Variants in WDR11 observed in about 807,000 individuals in gnomAD.
WDR11 encodes the protein WD repeat domain 11.
WDR11 carries 83 observed loss-of-function variants against 151.2 expected under a neutral mutation model. That is an observed-to-expected ratio of 0.55 (90% CI 0.46 to 0.66). The LOEUF (loss-of-function observed/expected upper bound fraction) is 0.66. WDR11 is among the 30% of genes least tolerant of loss of function. The pLI, the probability that WDR11 is intolerant of heterozygous loss-of-function variation, is 0.00. For synonymous variants in WDR11, 484 were observed against 533.1 expected (o/e 0.91, Z 1.27); for missense variants, 1,301 against 1,480.9 (o/e 0.88, Z 1.99).
At chr10:120,880,982 A>G in intron 13 of WDR11, 81 bp downstream of exon 13, 1 of 1,191,064 alleles carries the variant, frequency 8.4e-7, no homozygotes, top group Non-Finnish European at 1.2e-6. Flanking sequence ...AGAAAATGGG[A>G]ATGTGCTGGA....
intron 7 of WDR11, 21 bp from the exon 8 acceptor site, chr10:120,866,548 T>G: frequency 6.2e-7 from 1 of 1,614,094 alleles, no homozygotes. Context: ...TTTCTGATAT[T>G]TAAAACAATT....
chr10:120,870,539 A>G (rs879636979), intron 9 of WDR11, among the ~76,000 whole-genome samples: 3 of 152,208 alleles, frequency 2.0e-5, no homozygotes, highest in African/African-American at 7.2e-5. Flanking sequence ...GGTATATGTG[A>G]AAATAATGCC....
At position 120,858,652 on chromosome 10, in the gene WDR11, G is replaced by A; in HGVS notation, c.208G>A (p.Ala70Thr). The A allele has an allele frequency of 6.2e-7, 1 of 1,614,168 alleles. No homozygotes were observed. The highest frequency in any genetic ancestry group is 8.5e-7 in the Non-Finnish European group (1 of 1,180,042). The change falls in exon 3 of 29, where the codon GCC (alanine) becomes ACC (threonine). Residue 70 changes from alanine (A) to threonine (T), a missense_variant. This residue lies in a region of WDR11 where 692 missense variants were observed against 762.5 expected (regional missense o/e 0.91). Coordinates refer to ENST00000263461, the MANE Select transcript of WDR11 (RefSeq NM_018117.12). ...TTTCTTCTTGATACAGGTTAAATGG[G>A]CCAGGGAAAACTATCACCATAACAT... is the stretch of plus-strand genomic sequence containing the variant. ...HKADVVKVKW[A>T]RENYHHNIGS...
intron 17 of WDR11, chr10:120,889,573 G>A (rs1847348283): frequency 2.4e-6 from 1 of 425,464 alleles, no homozygotes. Flanking sequence ...TCCATTAGAG[G>A]CTTGTGACTT....
rs370585965 is a variant in WDR11 at position 120,876,757 on chromosome 10, T to G, written c.1557-1596T>G. Among the ~76,000 whole-genome samples the G allele has an allele frequency of 6.6e-5, 10 of 152,338 alleles. No homozygotes were observed. The East Asian group carries it at 1.7e-3, about 26-fold the overall frequency. On this transcript the variant is annotated intron_variant, in intron 11 of 28. Coordinates refer to ENST00000263461, the MANE Select transcript of WDR11 (RefSeq NM_018117.12). The stretch of plus-strand genomic sequence containing the variant: ...AGGGATTATGTTAACTATTAATACT[T>G]CACACGTATCATTTCATTGAATCCC...
chr10:120,877,192 A>G (rs1846824832), intron 11 of WDR11, among the ~76,000 whole-genome samples: 1 of 152,194 alleles, frequency 6.6e-6, no homozygotes, highest in African/African-American at 2.4e-5. Flanking sequence ...TGTTAAGATA[A>G]TATTTATGGT....
chr10:120,878,531 A>G, intron 12 of WDR11, 72 bp downstream of exon 12: 1 of 1,278,278 alleles, frequency 7.8e-7, no homozygotes, highest in Admixed American at 1.7e-5. Flanking sequence ...ACATGTTTGA[A>G]AGTACTTCTT....
In WDR11 at chr10:120,904,028, C is replaced by CT. The variant is rs749008728; in HGVS notation, c.2932-11dup. 53 of 1,540,052 alleles carry CT rather than the reference C, an allele frequency of 3.4e-5. No homozygotes were observed. Among genetic ancestry groups the CT allele is most frequent in the East Asian group, 6.8e-5 (3 of 44,444 alleles). On this transcript the variant is annotated intron_variant, in intron 23 of 28. Transcript: ENST00000263461. ...CTCTTATAATCCAGGCTTAATTTTT[C>CT]TTTTTTTTCCAATTCTAGAAATTTC... is the stretch of plus-strand genomic sequence containing the variant.
chr10:120,881,277 G>T (rs991869209), intron 13 of WDR11, among the ~76,000 whole-genome samples: 1 of 152,092 alleles, frequency 6.6e-6, no homozygotes, highest in African/African-American at 2.4e-5. Context: ...ATGTAAAGCA[G>T]TATTATTAAA....
chr10:120,906,702 T>C (rs1006055148), intron 27 of WDR11, 74 bp from the exon 28 acceptor site: 16 of 1,612,908 alleles, frequency 9.9e-6, no homozygotes, highest in Non-Finnish European at 1.3e-5. Context: ...TAAATGTCTT[T>C]ATACCCTTCG....
chr10:120,872,901 A>G (rs1354971709), intron 10 of WDR11, among the ~76,000 whole-genome samples: 2 of 152,136 alleles, frequency 1.3e-5, no homozygotes, highest in Admixed American at 6.5e-5. Context: ...TTTGCCCAGC[A>G]TTTTTACTTC....
Position 120,855,127 on chromosome 10 carries a change from TATAAC to T in WDR11, c.198+2494_198+2498del, listed in dbSNP as rs546495794. Among the ~76,000 whole-genome samples, 324 of 152,292 alleles carry T rather than the reference TATAAC, an allele frequency of 2.1e-3. 1 individual carries two copies. Among genetic ancestry groups the T allele is most frequent in the African/African-American group, 6.9e-3 (288 of 41,556 alleles). ...ACTAATAATAATAAAGGAGAACAAT[TATAAC>T]AATACATCAGCATTACTACTCTTGC... On this transcript the variant is annotated intron_variant, in intron 2 of 28. Coordinates refer to ENST00000263461, the MANE Select transcript of WDR11 (RefSeq NM_018117.12).
intron 10 of WDR11, among the ~76,000 whole-genome samples, chr10:120,872,273 C>T (rs545730440): frequency 6.6e-6 from 1 of 152,094 alleles, no homozygotes; most frequent in Non-Finnish European, 1.5e-5. Flanking sequence ...ATATATGTGT[C>T]CCGATTTATA....
intron 15 of WDR11, among the ~76,000 whole-genome samples, 179 bp downstream of exon 15, chr10:120,886,117 A>G (rs1847207214): frequency 6.6e-6 from 1 of 152,198 alleles, no homozygotes; most frequent in Non-Finnish European, 1.5e-5. Flanking sequence ...CATTTTTAGT[A>G]TTGTACTATA....
At position 120,904,658 on chromosome 10, in the gene WDR11, G is replaced by A. The variant is rs1262779759; in HGVS notation, c.3040G>A (p.Val1014Met). The change falls in exon 25 of 29, where the codon GTG becomes ATG. Residue 1014 changes from valine (V) to methionine (M), a missense_variant. Coordinates refer to ENST00000263461, the MANE Select transcript of WDR11 (RefSeq NM_018117.12). The part of the protein sequence containing the change: ...LLLLGQTDRA[V>M]QLLLETSADN... ...TTTCTCTTACTAGACAGACAGAGCT[G>A]TGCAGTTGCTGTTGGAAACAAGTGC... The A allele has an allele frequency of 1.2e-6, 2 of 1,614,088 alleles. No individual in the cohort carries two copies.
chr10:120,905,233 A>G (rs1336252169), intron 25 of WDR11, 86 bp from the exon 26 acceptor site: 2 of 1,320,112 alleles, frequency 1.5e-6, no homozygotes. Flanking sequence ...ACGACTAGAT[A>G]AGGTCAAATG....
intron 3 of WDR11, among the ~76,000 whole-genome samples, chr10:120,859,518 C>T (rs1369188186): frequency 3.3e-5 from 5 of 151,996 alleles, no homozygotes; most frequent in Admixed American, 3.3e-4. Flanking sequence ...CCACCTGCCT[C>T]GTCCTCCCAA....
intron 10 of WDR11, 116 bp downstream of exon 10, chr10:120,871,462 T>G: frequency 9.4e-7 from 1 of 1,064,674 alleles, no homozygotes; most frequent in Non-Finnish European, 1.4e-6. Flanking sequence ...AGATAGAGAC[T>G]AAGTGAAACT....
intron 13 of WDR11, among the ~76,000 whole-genome samples, chr10:120,883,327 CTTCT>C (rs1417012378): frequency 2.0e-5 from 3 of 152,192 alleles, no homozygotes; most frequent in Non-Finnish European, 2.9e-5. Flanking sequence ...TCATTCAGTA[CTTCT>C]TTCAGGCTTA....
Sources: allele counts gnomAD v4.1 joint callset (sites outside exome capture counted in the v4.1 genomes callset), GRCh38; gene constraint gnomAD v4.1.1; regional missense constraint gnomAD v4.1.1; transcripts MANE v1.5; gene names NCBI Gene and HGNC (gene_info 2026-07-23, HGNC 2026-07-21).